Variants in RABEP2 observed in about 807,000 individuals in gnomAD.
The protein encoded by RABEP2 is rab GTPase-binding effector protein 2.
RABEP2 carries 57 observed loss-of-function variants against 74.1 expected under a neutral mutation model. That is an observed-to-expected ratio of 0.77 (90% CI 0.62 to 0.96). The LOEUF is 0.96. RABEP2 is among the 40% of genes least tolerant of loss of function. RABEP2 has a pLI of 0.00. For synonymous variants in RABEP2, 351 were observed against 344.0 expected, an observed-to-expected ratio of 1.02 and a Z score of -0.23; for missense variants, 692 against 756.3, an observed-to-expected ratio of 0.91 and a Z score of 1.00.
rs747729816 is a variant in RABEP2 at position 28,908,714 on chromosome 16, C to A, written c.1140G>T (p.Leu380Phe). 1 of 1,614,220 alleles carries A rather than the reference C, an allele frequency of 6.2e-7. No individual in the cohort carries two copies. The highest frequency in any genetic ancestry group is 1.1e-5 in the South Asian group (1 of 91,084). The change falls in exon 8 of 13, where the codon TTG becomes TTT. Residue 380 changes from leucine (L) to phenylalanine (F), a missense_variant. Physicochemically the swap from Leu to Phe is conservative, Grantham distance 22. Transcript: ENST00000358201. ...HKCLHHEVKR[L>F]NEENQGLRAE... Reference sequence around the variant, plus strand: ...CCCGGAGCCCTTGGTTTTCCTCATTCAACCGCTTTACCTCATGGTGCAGGC... The same window carrying A: ...CCCGGAGCCCTTGGTTTTCCTCATTAAACCGCTTTACCTCATGGTGCAGGC...
rs573583971 is a variant in RABEP2, at chr16:28,904,558, G to C, written c.*385C>G. ...GACCAGAAGGCAGCTGCCTGTCCCA[G>C]GGCCGGGGCCCACCTCACTGCCTCT... On this transcript the variant is annotated 3_prime_UTR_variant, in exon 13 of 13. Transcript: ENST00000358201. The C allele has an allele frequency of 7.1e-7, 1 of 1,405,976 alleles. No individual in the cohort carries two copies. The highest frequency in any genetic ancestry group is 3.2e-5 in the East Asian group (1 of 31,074). 87.1% of individuals were successfully genotyped at this position (1,405,976 alleles called of 1,614,324 possible).
At chr16:28,912,118 C>T (rs189541882) in intron 5 of RABEP2, among the ~76,000 whole-genome samples, 428 of 151,720 alleles carry the variant, frequency 2.8e-3, no homozygotes, top group Non-Finnish European at 5.1e-3. Context: ...TGGTGGCAGG[C>T]GCCTGTAGTC....
chr16:28,907,329 G>C (rs540794530), intron 8 of RABEP2, among the ~76,000 whole-genome samples: 1 of 151,916 alleles, frequency 6.6e-6, no homozygotes, highest in South Asian at 2.1e-4. Flanking sequence ...GCTAATTTTT[G>C]TATTTTTTGT....
chr16:28,922,704 G>A (rs1259584172), intron 2 of RABEP2, among the ~76,000 whole-genome samples: 1 of 151,366 alleles, frequency 6.6e-6, no homozygotes, highest in Non-Finnish European at 1.5e-5. Flanking sequence ...CAGCCTGGGC[G>A]ACAGAGTAAG....
chr16:28,919,607 G>T, intron 3 of RABEP2, 179 bp downstream of exon 3: 2 of 551,418 alleles, frequency 3.6e-6, no homozygotes, highest in Non-Finnish European at 5.7e-6. Context: ...CCACTAATAA[G>T]GGGCAAGCCA....
At chr16:28,905,375 G>A (rs1303808103) in intron 12 of RABEP2, 22 bp downstream of exon 12, 4 of 1,572,504 alleles carry the variant, frequency 2.5e-6, no homozygotes, top group African/African-American at 1.3e-5. Context: ...AGCCAGCCTG[G>A]CGGGGCTGGG....
At chr16:28,912,656 G>C (rs1964330971) in intron 5 of RABEP2, among the ~76,000 whole-genome samples, 1 of 151,954 alleles carries the variant, frequency 6.6e-6, no homozygotes, top group African/African-American at 2.4e-5. Context: ...CCAGCATTCT[G>C]CCCGCTTCAG....
chr16:28,914,987 C>T (rs144057963), intron 3 of RABEP2, among the ~76,000 whole-genome samples: 28 of 151,184 alleles, frequency 1.9e-4, no homozygotes, highest in Non-Finnish European at 3.4e-4. Flanking sequence ...ATGAAGGTCA[C>T]GACTTCTTCC....
In RABEP2 at chr16:28,910,873, C is replaced by A. The variant is rs1964301455; in HGVS notation, c.1089+15G>T. The A allele has an allele frequency of 1.9e-6, 3 of 1,600,988 alleles. No homozygotes were observed. Among genetic ancestry groups the A allele is most frequent in the African/African-American group, 1.3e-5 (1 of 74,898 alleles). ...GACTCCTCGCCCTCCTGCCCTAGGG[C>A]CCCCAGGTACTCACCATCTGCAGCT... On this transcript the variant is annotated intron_variant, in intron 7 of 12. Transcript: ENST00000358201.
chr16:28,909,712 C>T (rs1229258485), intron 7 of RABEP2, among the ~76,000 whole-genome samples: 1 of 148,982 alleles, frequency 6.7e-6, no homozygotes, highest in Non-Finnish European at 1.5e-5. Flanking sequence ...GACAGAGCAA[C>T]ACACCATTTC....
intron 8 of RABEP2, among the ~76,000 whole-genome samples, chr16:28,907,376 T>C (rs1452655769): frequency 1.3e-5 from 2 of 152,090 alleles, no homozygotes; most frequent in South Asian, 4.1e-4. Flanking sequence ...CAGGCTGATC[T>C]TGAACTCCTG....
rs1964251526 is a variant in RABEP2 at position 28,907,459 on chromosome 16, A to G, written c.1245+1150T>C. ...AGGCGCAAGCCACCAAGCCCAGCTAATATTTTTATTTTTATTTTTTGTAGA... is the reference window on the plus strand; with the variant it reads ...AGGCGCAAGCCACCAAGCCCAGCTAGTATTTTTATTTTTATTTTTTGTAGA... On this transcript the variant is annotated intron_variant, in intron 8 of 12. Coordinates refer to ENST00000358201, the MANE Select transcript of RABEP2 (RefSeq NM_024816.3). Among the ~76,000 whole-genome samples the G allele has an allele frequency of 2.0e-5, 3 of 151,828 alleles. No homozygotes were observed. In the South Asian group the frequency reaches 6.2e-4, roughly 31 times the overall value.
At chr16:28,915,623 C>T (rs1964381812) in intron 3 of RABEP2, among the ~76,000 whole-genome samples, 1 of 152,052 alleles carries the variant, frequency 6.6e-6, no homozygotes, top group Non-Finnish European at 1.5e-5. Context: ...CGGCTCACTG[C>T]AACCTCCGCC....
chr16:28,925,227 T>TCTCGGCTGTTTCCGGATCCG lies in RABEP2; in HGVS notation c.-65_-64insCGGATCCGGAAACAGCCGAG. 6.0e-6 allele frequency: 9 copies of TCTCGGCTGTTTCCGGATCCG among 1,487,706 alleles called. No homozygotes were observed. The highest frequency in any genetic ancestry group is 2.6e-5 in the East Asian group (1 of 38,908). 92.2% of individuals were successfully genotyped at this position (1,487,706 alleles called of 1,614,324 possible). A position where few individuals can be genotyped will look rare whatever the true frequency, so the allele number is the denominator to read the frequency against. ...GACGGAGCGCACCGCTTCCGGGTCCTCTCGGCTGTTTCCGGATCCGCTCGG... is the reference window on the plus strand; with the variant it reads ...GACGGAGCGCACCGCTTCCGGGTCCTCTCGGCTGTTTCCGGATCCGCTCGGCTGTTTCCGGATCCGCTCGG... On this transcript the variant is annotated 5_prime_UTR_variant, in exon 1 of 13. Coordinates refer to ENST00000358201, the MANE Select transcript of RABEP2 (RefSeq NM_024816.3).
chr16:28,918,061 G>GTTTTTTGTTTTTTTTTTTTTT (rs1964417632), intron 3 of RABEP2: 1 of 93,220 alleles, frequency 1.1e-5, no homozygotes, highest in Non-Finnish European at 2.1e-5. Flanking sequence ...TCCTATAATT[G>GTTTTTTGTTTTTTTTTTTTTT]TTTTTTTTTT....
At chr16:28,905,093 C>T in intron 12 of RABEP2, 49 bp from the exon 13 acceptor site, 1 of 1,486,434 alleles carries the variant, frequency 6.7e-7, no homozygotes, top group Non-Finnish European at 9.2e-7. Context: ...GGAAACGCAG[C>T]CCCTACCCCA....
At chr16:28,923,385 C>T (rs1964492689) in intron 2 of RABEP2, among the ~76,000 whole-genome samples, 2 of 150,792 alleles carry the variant, frequency 1.3e-5, no homozygotes, top group South Asian at 2.1e-4. Flanking sequence ...TGCTGTGACG[C>T]ACTCCAGCTT....
At chr16:28,911,230 TCAC>T in intron 5 of RABEP2, 51 bp from the exon 6 acceptor site, 1 of 1,553,262 alleles carries the variant, frequency 6.4e-7, no homozygotes, top group Non-Finnish European at 8.7e-7. Context: ...TTGGCCCCCC[TCAC>T]CACACTTCTC....
chr16:28,924,329 C>T (rs965531268), intron 2 of RABEP2, 74 bp downstream of exon 2: 4 of 1,423,586 alleles, frequency 2.8e-6, no homozygotes, highest in South Asian at 1.2e-5. Context: ...CTTATCTGTG[C>T]CCCCAATCCC....
Sources: allele counts gnomAD v4.1 joint callset (sites outside exome capture counted in the v4.1 genomes callset), GRCh38; gene constraint gnomAD v4.1.1; transcripts MANE v1.5; gene names NCBI Gene and HGNC (gene_info 2026-07-23, HGNC 2026-07-21).